Variants in MPDZ observed in about 807,000 individuals in gnomAD.
MPDZ encodes the protein multiple PDZ domain protein.
Under a neutral mutation model 239.1 loss-of-function variants are expected in MPDZ, and 234 were observed. That is an observed-to-expected ratio of 0.98 (90% CI 0.88 to 1.09). The LOEUF is 1.09. MPDZ is among the 50% of genes least tolerant of loss of function. The pLI is 0.00. For synonymous variants in MPDZ, 1,048 were observed against 881.3 expected (o/e 1.19, Z -3.35); for missense variants, 3,175 against 2,510.0 (o/e 1.26, Z -5.66).
intron 27 of MPDZ, among the ~76,000 whole-genome samples, chr9:13,142,826 T>C (rs369725663): frequency 2.0e-5 from 3 of 152,104 alleles, no homozygotes; most frequent in South Asian, 2.1e-4. Flanking sequence ...CTGAAAAAAA[T>C]TGTTGATGGC....
chr9:13,235,489 T>C lies in MPDZ; in HGVS notation c.184-10906A>G, dbSNP rs114888015. Among the ~76,000 whole-genome samples, 730 of 152,280 alleles carry C rather than the reference T, an allele frequency of 4.8e-3. 4 individuals carry two copies. The highest frequency in any genetic ancestry group is 0.016 in the African/African-American group (645 of 41,546). On this transcript the variant is annotated intron_variant, in intron 3 of 46. Transcript: ENST00000319217. ...AATCACTAATGTGTTAAATATCCTA[T>C]AAAATTATTCTACTAGGCTTAGTTC...
At chr9:13,278,529 C>T (rs1274931756) in intron 1 of MPDZ, among the ~76,000 whole-genome samples, 1 of 152,186 alleles carries the variant, frequency 6.6e-6, no homozygotes, top group Non-Finnish European at 1.5e-5. Flanking sequence ...CAAAAATGTA[C>T]ACCATCACCA....
At chr9:13,115,566 A>T (rs1943270477) in intron 39 of MPDZ, among the ~76,000 whole-genome samples, 1 of 151,706 alleles carries the variant, frequency 6.6e-6, no homozygotes, top group African/African-American at 2.4e-5. Context: ...TCACCTCATG[A>T]TTTCTATGGA....
chr9:13,113,968 T>G lies in MPDZ; in HGVS notation c.5520A>C (p.Thr1840=), dbSNP rs181988364. 1 of 1,598,688 alleles carries G rather than the reference T, an allele frequency of 6.3e-7. No homozygotes were observed. The highest frequency in any genetic ancestry group is 1.1e-5 in the South Asian group (1 of 87,924). The change falls in exon 41 of 47, where the codon ACA becomes ACC. Residue 1840 remains threonine (T), a synonymous_variant. Coordinates refer to ENST00000319217, the MANE Select transcript of MPDZ (RefSeq NM_001378778.1). ...SFTFPLSGSS[T]SESLESSSKK... ...TTGAGCTACTTTCCAGTGACTCAGA[T>G]GTACTGGATCCAGAGAGTGGAAAAG...
rs574624609 is a variant in MPDZ, at chr9:13,265,047, T to C, written c.-58+14353A>G. ...CTGCCCTTGCAGGTGAACACAACAATGTGTCAATGCCAAACTCCAGAGGCT... is the reference window on the plus strand; with the variant it reads ...CTGCCCTTGCAGGTGAACACAACAACGTGTCAATGCCAAACTCCAGAGGCT... On this transcript the variant is annotated intron_variant, in intron 1 of 46. Transcript: ENST00000319217. Among the ~76,000 whole-genome samples, 166 of 152,274 alleles carry C rather than the reference T, an allele frequency of 1.1e-3. 1 individual carries two copies. The highest frequency in any genetic ancestry group is 0.01 in the South Asian group (50 of 4,830).
intron 16 of MPDZ, 29 bp from the exon 17 acceptor site, chr9:13,189,022 C>T: frequency 6.3e-7 from 1 of 1,586,920 alleles, no homozygotes; most frequent in Non-Finnish European, 8.6e-7. Flanking sequence ...AAAGAGTCAG[C>T]TCATTTTACA....
intron 21 of MPDZ, among the ~76,000 whole-genome samples, chr9:13,174,054 C>G (rs1323696466): frequency 6.6e-6 from 1 of 152,156 alleles, no homozygotes; most frequent in East Asian, 1.9e-4. Flanking sequence ...ATCTCTCTGC[C>G]TTACTTCTAA....
intron 19 of MPDZ, among the ~76,000 whole-genome samples, chr9:13,179,323 T>C (rs1033130673): frequency 3.3e-5 from 5 of 152,268 alleles, no homozygotes; most frequent in African/African-American, 9.6e-5. Flanking sequence ...AAATTGATTA[T>C]AATAATTAGT....
At chr9:13,123,849 T>C (rs1479063879) in intron 35 of MPDZ, among the ~76,000 whole-genome samples, 1 of 152,228 alleles carries the variant, frequency 6.6e-6, no homozygotes, top group Non-Finnish European at 1.5e-5. Context: ...TAATCAATTC[T>C]GAGCAAAAAT....
intron 34 of MPDZ, 55 bp from the exon 35 acceptor site, chr9:13,125,445 A>G: frequency 6.7e-7 from 1 of 1,483,298 alleles, no homozygotes; most frequent in Non-Finnish European, 9.3e-7. Context: ...ATTAGTAGAC[A>G]TACCAATGAG....
intron 3 of MPDZ, among the ~76,000 whole-genome samples, chr9:13,225,092 T>G (rs1033782987): frequency 6.6e-6 from 1 of 152,098 alleles, no homozygotes; most frequent in Non-Finnish European, 1.5e-5. Context: ...TAAAAAATGC[T>G]GAACACCAAG....
chr9:13,113,331 G>T (rs1027158971), intron 41 of MPDZ, among the ~76,000 whole-genome samples: 1 of 152,058 alleles, frequency 6.6e-6, no homozygotes, highest in Non-Finnish European at 1.5e-5. Context: ...AGGGCAGAAT[G>T]TGTTTTGCAT....
intron 27 of MPDZ, 118 bp downstream of exon 27, chr9:13,143,348 G>GTT: frequency 2.7e-6 from 2 of 749,864 alleles, no homozygotes; most frequent in Non-Finnish European, 4.4e-6. Context: ...TTGTTTTTTT[G>GTT]TTTTTTTTTC....
intron 45 of MPDZ, among the ~76,000 whole-genome samples, chr9:13,109,471 T>G (rs1437935228): frequency 6.6e-6 from 1 of 152,182 alleles, no homozygotes; most frequent in Non-Finnish European, 1.5e-5. Context: ...ATGGAAAAGC[T>G]GCATCAAATT....
At chr9:13,163,997 T>G (rs2133719354) in intron 22 of MPDZ, among the ~76,000 whole-genome samples, 1 of 152,300 alleles carries the variant, frequency 6.6e-6, no homozygotes, top group African/African-American at 2.4e-5. Flanking sequence ...TCACCACTGC[T>G]GAACCTCCAT....
chr9:13,150,463 T>C, intron 25 of MPDZ, 48 bp downstream of exon 25: 1 of 1,369,188 alleles, frequency 7.3e-7, no homozygotes. Flanking sequence ...AATAAATAAA[T>C]AAAACAAAAC....
intron 7 of MPDZ, among the ~76,000 whole-genome samples, chr9:13,220,956 T>C (rs1205681050): frequency 6.6e-6 from 1 of 151,958 alleles, no homozygotes; most frequent in Admixed American, 6.6e-5. Context: ...CAATGACCCA[T>C]CACTAAAGGA....
intron 34 of MPDZ, among the ~76,000 whole-genome samples, 191 bp from the exon 35 acceptor site, chr9:13,125,581 C>T (rs1944991366): frequency 6.6e-6 from 1 of 152,144 alleles, no homozygotes; most frequent in Admixed American, 6.5e-5. Flanking sequence ...TTTCCAAATG[C>T]TTGATGTAGA....
intron 13 of MPDZ, 87 bp from the exon 14 acceptor site, chr9:13,193,400 A>G (rs1224768780): frequency 1.5e-6 from 2 of 1,355,728 alleles, no homozygotes; most frequent in Admixed American, 2.4e-5. Context: ...ATGTTTACCC[A>G]AAAGTGGTCA....
Sources: allele counts gnomAD v4.1 joint callset (sites outside exome capture counted in the v4.1 genomes callset), GRCh38; gene constraint gnomAD v4.1.1; transcripts MANE v1.5; gene names NCBI Gene and HGNC (gene_info 2026-07-23, HGNC 2026-07-21).